DCAF8L2: variants seen among roughly 807,000 people sequenced by gnomAD.
The protein encoded by DCAF8L2 is DDB1- and CUL4-associated factor 8-like protein 2.
For synonymous variants in DCAF8L2, 200 were observed against 190.9 expected, an observed-to-expected ratio of 1.05 and a Z score of -0.39; for missense variants, 430 against 490.7, an observed-to-expected ratio of 0.88 and a Z score of 1.17.
intron 1 of DCAF8L2, among the ~76,000 whole-genome samples, chrX:27,594,001 A>T (rs936110380): frequency 8.9e-6 from 1 of 112,288 alleles, no homozygotes; most frequent in African/African-American, 3.2e-5. Flanking sequence ...AATACCTTAA[A>T]TTTTTTTATA....
intron 1 of DCAF8L2, among the ~76,000 whole-genome samples, chrX:27,593,444 T>C (rs1602633819): frequency 8.9e-6 from 1 of 112,253 alleles, no homozygotes; most frequent in Admixed American, 9.4e-5. Flanking sequence ...CTGTGTTTAC[T>C]GGATCACATT....
At chrX:27,555,965 G>A in the DCAF8L2 span, among the ~76,000 whole-genome samples, 2 of 111,578 alleles carry the variant, frequency 1.8e-5, no homozygotes, top group Non-Finnish European at 3.8e-5. Context: ...CCCACCAGAT[G>A]TGGTTTGCCT....
At chrX:27,595,776 G>A (rs1926325711) in intron 1 of DCAF8L2, among the ~76,000 whole-genome samples, 1 of 112,139 alleles carries the variant, frequency 8.9e-6, no homozygotes, top group African/African-American at 3.2e-5. Context: ...GGGAGGCTGA[G>A]GCGGGTGGAT....
chrX:27,746,676 C>G, intron 4 of DCAF8L2, 162 bp from the exon 5 acceptor site: 1 of 368,479 alleles, frequency 2.7e-6, no homozygotes, highest in Non-Finnish European at 4.7e-6. Context: ...AGGCGGCGAG[C>G]AGGTAAGAAG....
At chrX:27,586,070 C>T (rs1363116463), upstream of DCAF8L2, among the ~76,000 whole-genome samples, 2 of 111,129 alleles carry the variant, frequency 1.8e-5, no homozygotes, top group Admixed American at 9.7e-5. Context: ...CCCCTCTCCA[C>T]AGGCCTTTGC....
the DCAF8L2 span, among the ~76,000 whole-genome samples, chrX:27,576,672 T>C: frequency 2.7e-5 from 3 of 111,867 alleles, no homozygotes; most frequent in East Asian, 8.4e-4. Flanking sequence ...TGCAAAAATA[T>C]AGAAAGAAAA....
the DCAF8L2 span, among the ~76,000 whole-genome samples, chrX:27,527,862 G>T: frequency 9.2e-6 from 1 of 108,729 alleles, no homozygotes; most frequent in Non-Finnish European, 1.9e-5. Context: ...ATGTTGGTCA[G>T]GCTGGTCTCA....
At chrX:27,538,550 C>A in the DCAF8L2 span, among the ~76,000 whole-genome samples, 8 of 110,240 alleles carry the variant, frequency 7.3e-5, no homozygotes, top group Non-Finnish European at 1.3e-4. Flanking sequence ...TGCACCACCA[C>A]GCCCGGCTAA....
intron 2 of DCAF8L2, among the ~76,000 whole-genome samples, chrX:27,656,685 C>G (rs765345366): frequency 9.0e-6 from 1 of 111,512 alleles, no homozygotes; most frequent in Non-Finnish European, 1.9e-5. Context: ...GCTGTATTAA[C>G]AAAATAATAT....
At chrX:27,627,787 G>A (rs112265099) in intron 1 of DCAF8L2, among the ~76,000 whole-genome samples, 7 of 108,921 alleles carry the variant, frequency 6.4e-5, no homozygotes, top group African/African-American at 1.3e-4. Flanking sequence ...TCAGCTACTC[G>A]GGAGGCTGAG....
chrX:27,692,259 GT>G (rs774256686), intron 3 of DCAF8L2, among the ~76,000 whole-genome samples: 168 of 111,541 alleles, frequency 1.5e-3, no homozygotes, highest in Non-Finnish European at 2.0e-3. Flanking sequence ...TGTACTTACA[GT>G]TAAATATTAA....
At chrX:27,725,689 T>C (rs997401058) in intron 4 of DCAF8L2, among the ~76,000 whole-genome samples, 48 of 107,703 alleles carry the variant, frequency 4.5e-4, no homozygotes, top group Non-Finnish European at 8.0e-4. Context: ...TATAAGAGGA[T>C]AGTGTTACAA....
the DCAF8L2 span, among the ~76,000 whole-genome samples, chrX:27,513,703 CAA>C: frequency 9.0e-4 from 58 of 64,345 alleles, 1 homozygote; most frequent in Middle Eastern, 0.018. Flanking sequence ...GACTCAGTCT[CAA>C]AAAAAAAAAA....
intron 3 of DCAF8L2, among the ~76,000 whole-genome samples, chrX:27,703,749 AAC>A (rs202086765): frequency 0.047 from 5,205 of 110,925 alleles, 302 homozygotes; most frequent in African/African-American, 0.16. Flanking sequence ...ACATAAATTT[AAC>A]AGTTAAAACA....
chrX:27,633,870 T>G, intron 2 of DCAF8L2: 1 of 111,857 alleles, frequency 8.9e-6, no homozygotes, highest in South Asian at 3.7e-4. Context: ...GATCCTACAC[T>G]TATCAATGTT....
chrX:27,664,434 G>A (rs140222387), intron 2 of DCAF8L2, among the ~76,000 whole-genome samples: 379 of 111,827 alleles, frequency 3.4e-3, no homozygotes, highest in Middle Eastern at 9.3e-3. Context: ...AGCTAACAGA[G>A]GTTATTTCAT....
chrX:27,632,691 T>C (rs1426200073), intron 2 of DCAF8L2: 1 of 111,331 alleles, frequency 9.0e-6, no homozygotes, highest in African/African-American at 3.3e-5. Context: ...AAGTCCCACC[T>C]CCCCAAAGAT....
chrX:27,610,324 T>C (rs1927096682), intron 1 of DCAF8L2, among the ~76,000 whole-genome samples: 1 of 111,074 alleles, frequency 9.0e-6, no homozygotes. Context: ...AAGTTTGGTG[T>C]CATAGCAAGT....
chrX:27,532,789 C>G, the DCAF8L2 span, among the ~76,000 whole-genome samples: 9 of 104,688 alleles, frequency 8.6e-5, no homozygotes, highest in Non-Finnish European at 1.8e-4. Context: ...ATTAGCAAAG[C>G]CAGGGCCCGC....
Sources: gnomAD v4.1 joint callset for allele counts (sites outside exome capture counted in the v4.1 genomes callset) on GRCh38, gnomAD v4.1.1 for gene constraint, MANE v1.5 for transcripts, NCBI Gene and HGNC (gene_info 2026-07-23, HGNC 2026-07-21) for gene names.